Variants in NUP98 observed in about 807,000 individuals in gnomAD.
The protein encoded by NUP98 is nucleoporin 98 and 96 precursor.
NUP98 carries 26 observed loss-of-function variants against 191.9 expected under a neutral mutation model. The observed-to-expected ratio is 0.14, with a 90% confidence interval of 0.10 to 0.19. The LOEUF is 0.19. Ranked by LOEUF, NUP98 falls within the 10% of genes least tolerant of loss-of-function variation. NUP98 has a pLI of 1.00. For missense variants in NUP98, 1,941 were observed against 2,178.8 expected (o/e 0.89, Z 2.17); for synonymous variants, 808 against 778.4 (o/e 1.04, Z -0.63).
Position 3,745,991 on chromosome 11 carries a change from C to T in NUP98, c.1268-1342G>A, listed in dbSNP as rs942071310. On this transcript the variant is annotated intron_variant, in intron 11 of 32. Transcript: ENST00000324932. ...CTCATTAAAAATAAGACAACAGGGC[C>T]GGGCACGGTGCCTCACGCCTGTAAT... is the stretch of plus-strand genomic sequence containing the variant. Among the ~76,000 whole-genome samples the T allele has an allele frequency of 7.2e-5, 11 of 151,982 alleles. No individual in the cohort carries two copies. The East Asian group carries it at 1.2e-3, about 16-fold the overall frequency.
intron 28 of NUP98, among the ~76,000 whole-genome samples, chr11:3,690,881 GA>G (rs1361646079): frequency 2.0e-5 from 3 of 151,600 alleles, no homozygotes; most frequent in African/African-American, 7.3e-5. Context: ...ATATAAACAT[GA>G]AAAAAAATCT....
intron 22 of NUP98, among the ~76,000 whole-genome samples, chr11:3,704,061 T>C (rs2078788520): frequency 1.3e-5 from 2 of 152,330 alleles, no homozygotes; most frequent in Non-Finnish European, 1.5e-5. Context: ...GAGTTAAATA[T>C]TATTGAAGTA....
At chr11:3,744,800 G>A in intron 11 of NUP98, 151 bp from the exon 12 acceptor site, 5 of 754,020 alleles carry the variant, frequency 6.6e-6, no homozygotes, top group Non-Finnish European at 1.1e-5. Context: ...GTTACTGCAG[G>A]TCAAGTACTG....
At chr11:3,739,101 T>C (rs2134337207) in intron 12 of NUP98, among the ~76,000 whole-genome samples, 1 of 152,290 alleles carries the variant, frequency 6.6e-6, no homozygotes, top group South Asian at 2.1e-4. Flanking sequence ...AAATTTAATA[T>C]TAACTAAATT....
chr11:3,772,602 G>A (rs577375685), intron 6 of NUP98, among the ~76,000 whole-genome samples: 2 of 152,162 alleles, frequency 1.3e-5, no homozygotes, highest in Middle Eastern at 6.8e-3. Flanking sequence ...CGGATCACAA[G>A]GCCAGGGTTC....
At chr11:3,744,766 A>C (rs2080429497) in intron 11 of NUP98, 117 bp from the exon 12 acceptor site, 2 of 1,132,890 alleles carry the variant, frequency 1.8e-6, no homozygotes, top group Admixed American at 5.5e-5. Context: ...CACTCATTTC[A>C]ACAAAGGGGT....
At chr11:3,790,609 T>C (rs1306879901) in intron 1 of NUP98, among the ~76,000 whole-genome samples, 1 of 152,168 alleles carries the variant, frequency 6.6e-6, no homozygotes, top group Non-Finnish European at 1.5e-5. Flanking sequence ...TCAGCATGAA[T>C]CAAAGCAACA....
intron 1 of NUP98, among the ~76,000 whole-genome samples, chr11:3,787,003 C>T (rs889297696): frequency 6.6e-6 from 1 of 152,214 alleles, no homozygotes; most frequent in African/African-American, 2.4e-5. Context: ...TATAGTACTT[C>T]CTACTTTACA....
intron 12 of NUP98, among the ~76,000 whole-genome samples, chr11:3,737,605 C>T (rs938810717): frequency 7.9e-5 from 12 of 151,996 alleles, no homozygotes; most frequent in African/African-American, 1.9e-4. Context: ...CTAGCCTAGG[C>T]GACAGAGCGA....
At chr11:3,730,424 C>T (rs1304976060) in intron 14 of NUP98, among the ~76,000 whole-genome samples, 2 of 151,454 alleles carry the variant, frequency 1.3e-5, no homozygotes, top group Non-Finnish European at 2.9e-5. Flanking sequence ...TGGTGGGATC[C>T]CAGCTCACTG....
At chr11:3,708,707 G>GA (rs36048418) in intron 20 of NUP98, among the ~76,000 whole-genome samples, 4 of 136,606 alleles carry the variant, frequency 2.9e-5, no homozygotes, top group Non-Finnish European at 3.1e-5. Flanking sequence ...GGCCAGTCCT[G>GA]AAAAAAAAGG....
chr11:3,734,324 C>T (rs896243128), intron 13 of NUP98, among the ~76,000 whole-genome samples: 1 of 152,112 alleles, frequency 6.6e-6, no homozygotes, highest in Non-Finnish European at 1.5e-5. Context: ...TGAGCCACTG[C>T]GCCGGGCAGA....
chr11:3,713,790 A>C (rs747109806), intron 19 of NUP98, 28 bp downstream of exon 19: 17 of 1,587,866 alleles, frequency 1.1e-5, no homozygotes, highest in Non-Finnish European at 1.5e-5. Context: ...TAGTTTATAA[A>C]AGTCTGAACT....
rs2078590073 is a variant in NUP98, at chr11:3,698,767, C to G, written c.4009+315G>C. On this transcript the variant is annotated intron_variant, in intron 25 of 32. Coordinates refer to ENST00000324932, the MANE Select transcript of NUP98 (RefSeq NM_016320.5). ...AAAAAAAAAAGTCATGGTTCCTATT[C>G]TATAGGAATAGGTGGGTGTGATCTA... Among the ~76,000 whole-genome samples, 5 of 134,730 alleles carry G rather than the reference C, an allele frequency of 3.7e-5. No individual in the cohort carries two copies. The South Asian group carries it at 1.3e-3, about 36-fold the overall frequency. The allele number at this position is 134,730 out of a possible 152,430, so 88.4% of individuals were successfully genotyped here. A position where few individuals can be genotyped will look rare whatever the true frequency, so the allele number is the denominator to read the frequency against.
chr11:3,756,928 A>C (rs1038138518), intron 10 of NUP98, among the ~76,000 whole-genome samples: 84 of 151,806 alleles, frequency 5.5e-4, no homozygotes, highest in Admixed American at 1.4e-3. Flanking sequence ...TCTATTAAGA[A>C]TACAAAAAAA....
intron 11 of NUP98, among the ~76,000 whole-genome samples, chr11:3,747,857 C>G (rs2080566215): frequency 1.3e-5 from 2 of 152,170 alleles, no homozygotes; most frequent in African/African-American, 4.8e-5. Context: ...TGTTTATATG[C>G]AAGTCTCAGG....
Position 3,730,037 on chromosome 11 carries a change from T to C in NUP98, c.1730+1354A>G, listed in dbSNP as rs188185237. Among the ~76,000 whole-genome samples, 265 of 152,018 alleles carry C rather than the reference T, an allele frequency of 1.7e-3. 1 individual carries two copies. Among genetic ancestry groups the C allele is most frequent in the African/African-American group, 6.1e-3 (254 of 41,492 alleles). On this transcript the variant is annotated intron_variant, in intron 14 of 32. Transcript: ENST00000324932. ...CAGGTGAATTATCTGAGGTCAGCAGTTCAAGACCAGCCTGGCCAACATGGC... is the reference window on the plus strand; with the variant it reads ...CAGGTGAATTATCTGAGGTCAGCAGCTCAAGACCAGCCTGGCCAACATGGC...
At position 3,751,433 on chromosome 11, in the gene NUP98, C is replaced by A. The variant is rs1354597537; in HGVS notation, c.1267+1883G>T. On this transcript the variant is annotated intron_variant, in intron 11 of 32. Transcript: ENST00000324932. Reference sequence around the variant, plus strand: ...ATGTACAGACGTGTGTGTGTGTAAACATGTCCGAAAAATGCACAGAAACGG... The same window carrying A: ...ATGTACAGACGTGTGTGTGTGTAAAAATGTCCGAAAAATGCACAGAAACGG... 2.6e-5 allele frequency among the ~76,000 whole-genome samples: 4 copies of A among 152,126 alleles called. No homozygotes were observed. The East Asian group carries it at 7.7e-4, about 29-fold the overall frequency.
chr11:3,775,871 A>G lies in NUP98; in HGVS notation c.495+11T>C. 6.2e-7 allele frequency: 1 copy of G among 1,604,814 alleles called. No homozygotes were observed. The highest frequency in any genetic ancestry group is 1.1e-5 in the South Asian group (1 of 88,618). On this transcript the variant is annotated intron_variant, in intron 5 of 32. Transcript: ENST00000324932. Reference sequence around the variant, plus strand: ...AAAAACATTCCACAAAGATTGGAAGAAAATACATACGTTAAATTTAATAGT... The same window carrying G: ...AAAAACATTCCACAAAGATTGGAAGGAAATACATACGTTAAATTTAATAGT...
Sources: gnomAD v4.1 joint callset for allele counts (sites outside exome capture counted in the v4.1 genomes callset) on GRCh38, gnomAD v4.1.1 for gene constraint, MANE v1.5 for transcripts, NCBI Gene and HGNC (gene_info 2026-07-23, HGNC 2026-07-21) for gene names.